The following TMTC2 variants were observed in gnomAD, a reference collection of about 807,000 sequenced individuals.
TMTC2 encodes protein O-mannosyl-transferase TMTC2.
A neutral mutation model predicts 82.4 loss-of-function variants in TMTC2; 43 were observed. The observed-to-expected ratio is 0.52, with a 90% CI of 0.41 to 0.67. TMTC2 has a LOEUF of 0.67. TMTC2 is among the 30% of genes least tolerant of loss of function. TMTC2 has a pLI of 0.00. For missense variants in TMTC2, 919 were observed against 1,012.4 expected (o/e 0.91, Z 1.25); for synonymous variants, 408 against 381.9 (o/e 1.07, Z -0.80).
At chr12:82,893,369 CAAAA>C (rs71443447) in intron 2 of TMTC2, among the ~76,000 whole-genome samples, 30 of 122,672 alleles carry the variant, frequency 2.4e-4, no homozygotes, top group East Asian at 2.4e-4. Flanking sequence ...GACTCTATCT[CAAAA>C]AAAAAAAAAA....
chr12:82,843,718 C>T (rs528803625), intron 1 of TMTC2, among the ~76,000 whole-genome samples: 3 of 151,786 alleles, frequency 2.0e-5, no homozygotes, highest in African/African-American at 4.8e-5. Flanking sequence ...GAGTCCGGGG[C>T]GGGTGGATCA....
chr12:82,923,365 A>G lies in TMTC2; in HGVS notation c.1484-7066A>G, dbSNP rs1875505638. Among the ~76,000 whole-genome samples, 5 of 152,180 alleles carry G rather than the reference A, an allele frequency of 3.3e-5. No individual in the cohort carries two copies. In the South Asian group the frequency reaches 8.3e-4, roughly 25 times the overall value. ...TCTTATTTTTTTATTGTTGCTTTGCAGGAGTTCCTTCTAGTTTCCAAGCAC... is the reference window on the plus strand; with the variant it reads ...TCTTATTTTTTTATTGTTGCTTTGCGGGAGTTCCTTCTAGTTTCCAAGCAC... On this transcript the variant is annotated intron_variant, in intron 3 of 11. Coordinates refer to ENST00000321196, the MANE Select transcript of TMTC2 (RefSeq NM_152588.3).
At chr12:83,036,689 T>C (rs1312745463) in intron 9 of TMTC2, among the ~76,000 whole-genome samples, 1 of 152,168 alleles carries the variant, frequency 6.6e-6, no homozygotes, top group Non-Finnish European at 1.5e-5. Context: ...ATACTCTGTT[T>C]TTCTCTAGGA....
At chr12:82,742,675 A>G (rs1875478041) in intron 1 of TMTC2, among the ~76,000 whole-genome samples, 2 of 151,290 alleles carry the variant, frequency 1.3e-5, no homozygotes, top group Admixed American at 1.3e-4. Context: ...GCCTGCCATC[A>G]TGCCAGGCTA....
chr12:82,790,000 G>T (rs1341121151), intron 1 of TMTC2, among the ~76,000 whole-genome samples: 4 of 151,926 alleles, frequency 2.6e-5, no homozygotes, highest in Non-Finnish European at 1.5e-5. Flanking sequence ...ATTCCTTGAG[G>T]CAAGGAGTTG....
chr12:82,740,658 G>C (rs914225812), intron 1 of TMTC2, among the ~76,000 whole-genome samples: 1 of 152,080 alleles, frequency 6.6e-6, no homozygotes, highest in African/African-American at 2.4e-5. Flanking sequence ...CTTTCCCTCT[G>C]GCTAACAGTT....
chr12:82,965,536 T>G, intron 5 of TMTC2, 24 bp from the exon 6 acceptor site: 1 of 1,612,180 alleles, frequency 6.2e-7, no homozygotes, highest in Non-Finnish European at 8.5e-7. Flanking sequence ...TTCTCACACT[T>G]TTGTTTCCAC....
rs767769493 is a variant in TMTC2 at position 82,896,271 on chromosome 12, G to C, written c.1108G>C (p.Ala370Pro). The C allele has an allele frequency of 6.2e-7, 1 of 1,614,076 alleles. No individual in the cohort carries two copies. The highest frequency in any genetic ancestry group is 8.5e-7 in the Non-Finnish European group (1 of 1,180,034). The change falls in exon 3 of 12, where the codon GCA (alanine) becomes CCA (proline). Residue 370 changes from alanine (A) to proline (P), a missense_variant. Coordinates refer to ENST00000321196, the MANE Select transcript of TMTC2 (RefSeq NM_152588.3). Reference protein sequence around the residue: ...YQNSETKSSFASKVENGIKND... With the variant: ...YQNSETKSSFPSKVENGIKND... ...GAACTCAGAGACTAAGTCCAGCTTTGCATCCAAAGTAGAAAATGGCATTAA... is the reference window on the plus strand; with the variant it reads ...GAACTCAGAGACTAAGTCCAGCTTTCCATCCAAAGTAGAAAATGGCATTAA...
chr12:82,811,716 A>G (rs928427656), intron 1 of TMTC2, among the ~76,000 whole-genome samples: 72 of 148,714 alleles, frequency 4.8e-4, no homozygotes, highest in African/African-American at 1.8e-3. Flanking sequence ...TATGAAAAGT[A>G]TTTTTTAATA....
intron 11 of TMTC2, among the ~76,000 whole-genome samples, chr12:83,096,526 G>T (rs961670029): frequency 1.3e-5 from 2 of 152,190 alleles, no homozygotes; most frequent in Non-Finnish European, 2.9e-5. Flanking sequence ...GGCTGGGGAG[G>T]CTTCACAATC....
At chr12:82,765,702 CAA>C (rs201440817) in intron 1 of TMTC2, among the ~76,000 whole-genome samples, 1 of 138,630 alleles carries the variant, frequency 7.2e-6, no homozygotes, top group East Asian at 1.9e-4. Flanking sequence ...CAAAACAAAA[CAA>C]ACAAACAAAC....
intron 1 of TMTC2, among the ~76,000 whole-genome samples, chr12:82,849,814 T>C (rs1484113805): frequency 8.5e-5 from 13 of 152,288 alleles, no homozygotes; most frequent in African/African-American, 3.1e-4. Flanking sequence ...TGGATCCGGC[T>C]ACACTAGGAA....
chr12:83,059,014 T>G (rs944342850), intron 10 of TMTC2, among the ~76,000 whole-genome samples: 5 of 151,776 alleles, frequency 3.3e-5, no homozygotes, highest in African/African-American at 1.2e-4. Flanking sequence ...TATTCCTGGA[T>G]AGAGGATTTA....
intron 4 of TMTC2, among the ~76,000 whole-genome samples, chr12:82,940,906 G>T (rs1876681346): frequency 6.6e-6 from 1 of 151,668 alleles, no homozygotes; most frequent in Non-Finnish European, 1.5e-5. Flanking sequence ...GATAGTATGT[G>T]CCTCTTTATA....
intron 11 of TMTC2, among the ~76,000 whole-genome samples, chr12:83,066,109 G>A (rs1882907609): frequency 6.6e-6 from 1 of 151,938 alleles, no homozygotes; most frequent in African/African-American, 2.4e-5. Flanking sequence ...TGTGGGGAGG[G>A]AGTAGAGGAG....
At chr12:82,750,039 A>G (rs1285522166) in intron 1 of TMTC2, among the ~76,000 whole-genome samples, 1 of 152,054 alleles carries the variant, frequency 6.6e-6, no homozygotes, top group East Asian at 1.9e-4. Context: ...TTCCCGGCCC[A>G]TGAAACTTTG....
At chr12:83,115,287 A>G (rs1355191883) in intron 11 of TMTC2, among the ~76,000 whole-genome samples, 1 of 152,230 alleles carries the variant, frequency 6.6e-6, no homozygotes, top group African/African-American at 2.4e-5. Flanking sequence ...TCATATTTCA[A>G]ATAGAAACAG....
At chr12:83,110,067 C>T (rs771428680) in intron 11 of TMTC2, among the ~76,000 whole-genome samples, 3 of 152,154 alleles carry the variant, frequency 2.0e-5, no homozygotes, top group East Asian at 1.9e-4. Context: ...ACTCAGCTGA[C>T]GACCTTGCTT....
chr12:82,789,972 G>A (rs1057237557), intron 1 of TMTC2, among the ~76,000 whole-genome samples: 2 of 152,060 alleles, frequency 1.3e-5, no homozygotes, highest in African/African-American at 4.8e-5. Context: ...CATCACTTTG[G>A]AAGGCCAAGA....
Sources: allele counts gnomAD v4.1 joint callset (sites outside exome capture counted in the v4.1 genomes callset), GRCh38; gene constraint gnomAD v4.1.1; transcripts MANE v1.5; gene names NCBI Gene and HGNC (gene_info 2026-07-23, HGNC 2026-07-21).